The following STK31 variants were observed in gnomAD, a reference collection of about 807,000 sequenced individuals.
STK31 encodes the protein serine/threonine-protein kinase 31.
A neutral mutation model predicts 129.7 loss-of-function variants in STK31; 89 were observed. That is an observed-to-expected ratio of 0.69 (90% CI 0.58 to 0.82). STK31 has a LOEUF of 0.82. Ranked by LOEUF, STK31 falls within the 40% of genes least tolerant of loss-of-function variation. The probability of loss-of-function intolerance (pLI) is 0.00; values close to 1 mark genes in which losing one functional copy is unlikely to be tolerated. For synonymous variants in STK31, 448 were observed against 395.3 expected, an observed-to-expected ratio of 1.13 and a Z score of -1.58; for missense variants, 1,187 against 1,176.4, an observed-to-expected ratio of 1.01 and a Z score of -0.13.
At chr7:23,803,957 A>G (rs994110715) in intron 22 of STK31, among the ~76,000 whole-genome samples, 1 of 152,222 alleles carries the variant, frequency 6.6e-6, no homozygotes, top group Non-Finnish European at 1.5e-5. Context: ...CAGTTTTTAA[A>G]AAGTATAACA....
intron 7 of STK31, among the ~76,000 whole-genome samples, chr7:23,736,129 C>G (rs999358486): frequency 6.6e-6 from 1 of 152,038 alleles, no homozygotes; most frequent in South Asian, 2.1e-4. Context: ...GTTTACATAC[C>G]AACTTTTCAT....
chr7:23,825,131 T>G (rs1310239953), intron 23 of STK31, among the ~76,000 whole-genome samples: 2 of 152,150 alleles, frequency 1.3e-5, no homozygotes, highest in East Asian at 1.9e-4. Flanking sequence ...TTAGGGAGGA[T>G]TCCCTCTTTT....
chr7:23,754,030 GTTTAAAAAATTTTTAATTTTTT>G (rs1788893462), intron 9 of STK31, among the ~76,000 whole-genome samples: 1 of 151,792 alleles, frequency 6.6e-6, no homozygotes, highest in Non-Finnish European at 1.5e-5. Context: ...CTTTTTTATA[GTTTAAAAAATTTTTAATTTTTT>G]CATATTTTTT....
At position 23,769,732 on chromosome 7, in the gene STK31, C is replaced by T. The variant is rs1296001810; in HGVS notation, c.1689C>T (p.Cys563=). The T allele has an allele frequency of 9.9e-6, 16 of 1,609,334 alleles. No individual in the cohort carries two copies. In the African/African-American group the frequency reaches 2.0e-4, roughly 20 times the overall value. The change falls in exon 13 of 24, where the codon TGC becomes TGT. Residue 563 remains cysteine (C), a synonymous_variant. Transcript: ENST00000355870. ...TAGAGAAGACTGAGTCAAGTGTCTG[C>T]AAAGAGCTGGAGATAGCTCTGGTTG... ...EILEKTESSV[C]KELEIALVDQ...
At chr7:23,771,156 A>G in intron 14 of STK31, 32 bp downstream of exon 14, 1 of 1,503,854 alleles carries the variant, frequency 6.6e-7, no homozygotes, top group Non-Finnish European at 8.8e-7. Flanking sequence ...TTGATCTTAT[A>G]AATTGATGAT....
At position 23,786,932 on chromosome 7, in the gene STK31, A is replaced by G. The variant is rs377030309; in HGVS notation, c.2487+8A>G. The G allele has an allele frequency of 4.3e-6, 7 of 1,611,160 alleles. No individual in the cohort carries two copies. Among genetic ancestry groups the G allele is most frequent in the East Asian group, 2.2e-5 (1 of 44,832 alleles). On this transcript the variant is annotated splice_region_variant and intron_variant, in intron 20 of 23. Coordinates refer to ENST00000355870, the MANE Select transcript of STK31 (RefSeq NM_031414.5). ...ATGCCTTTAAATTCAGAAGTAAGTAAAAAGCACTATTTATTTCCATGGATG... is the reference window on the plus strand; with the variant it reads ...ATGCCTTTAAATTCAGAAGTAAGTAGAAAGCACTATTTATTTCCATGGATG...
intron 22 of STK31, chr7:23,791,267 T>A: frequency 1.0e-6 from 1 of 985,240 alleles, no homozygotes; most frequent in Non-Finnish European, 1.2e-6. Flanking sequence ...CTTGGGTATA[T>A]TCCTGCTTCC....
In STK31 at chr7:23,769,166, A is replaced by G. The variant is rs1236346207; in HGVS notation, c.1588A>G (p.Thr530Ala). ...CCGTCTTGTAGCATGGTTCCAAAGA[A>G]CCTTAAAGGTAATAAAAGCTCCTGC... ...LHRLVAWFQR[T>A]LKVFDLSVEG... The change falls in exon 12 of 24, where the codon ACC becomes GCC. Residue 530 changes from threonine to alanine, a missense_variant. Coordinates refer to ENST00000355870, the MANE Select transcript of STK31 (RefSeq NM_031414.5). 1.3e-6 allele frequency: 2 copies of G among 1,563,602 alleles called. No homozygotes were observed. The highest frequency in any genetic ancestry group is 4.0e-5 in the Admixed American group (2 of 50,534).
chr7:23,724,732 G>T (rs377314564), intron 4 of STK31, among the ~76,000 whole-genome samples: 1 of 152,208 alleles, frequency 6.6e-6, no homozygotes, highest in African/African-American at 2.4e-5. Context: ...AGAGAGTACC[G>T]TACTATTACT....
intron 8 of STK31, 34 bp downstream of exon 8, chr7:23,737,112 A>C: frequency 6.5e-7 from 1 of 1,533,106 alleles, no homozygotes; most frequent in Admixed American, 2.1e-5. Context: ...AGAGTGTCCA[A>C]CTGGGAAATC....
At chr7:23,726,827 A>C (rs981140730) in intron 4 of STK31, among the ~76,000 whole-genome samples, 1 of 152,158 alleles carries the variant, frequency 6.6e-6, no homozygotes, top group Non-Finnish European at 1.5e-5. Context: ...GAATTCCACT[A>C]TAGTTGAGAG....
At chr7:23,732,102 A>C (rs1787467254) in intron 6 of STK31, among the ~76,000 whole-genome samples, 1 of 152,054 alleles carries the variant, frequency 6.6e-6, no homozygotes. Context: ...TGAGTCCAGG[A>C]GTTTGAGACC....
intron 10 of STK31, among the ~76,000 whole-genome samples, chr7:23,760,016 ATTG>A (rs1789362061): frequency 6.6e-6 from 1 of 152,130 alleles, no homozygotes; most frequent in Non-Finnish European, 1.5e-5. Context: ...TGAGTCACCT[ATTG>A]TTGGGAGGTA....
intron 10 of STK31, among the ~76,000 whole-genome samples, chr7:23,756,833 A>T (rs1399934718): frequency 6.6e-6 from 1 of 152,204 alleles, no homozygotes; most frequent in Non-Finnish European, 1.5e-5. Flanking sequence ...CGTCCCAGGG[A>T]TGAAGTGGAC....
At chr7:23,746,749 A>G (rs1217921322) in intron 8 of STK31, among the ~76,000 whole-genome samples, 1 of 152,116 alleles carries the variant, frequency 6.6e-6, no homozygotes, top group Non-Finnish European at 1.5e-5. Flanking sequence ...GAGGAAGAGC[A>G]TGGGTTGGTC....
chr7:23,794,013 C>G (rs1791799920), intron 22 of STK31, among the ~76,000 whole-genome samples: 1 of 152,158 alleles, frequency 6.6e-6, no homozygotes, highest in African/African-American at 2.4e-5. Context: ...AAACAGTCTG[C>G]TATGTATGTG....
At chr7:23,792,930 A>G (rs1290030444) in intron 22 of STK31, among the ~76,000 whole-genome samples, 1 of 152,190 alleles carries the variant, frequency 6.6e-6, no homozygotes, top group Non-Finnish European at 1.5e-5. Flanking sequence ...GCTGAGACAG[A>G]AAGATTGTTG....
chr7:23,763,864 C>T (rs1311786305), intron 11 of STK31, among the ~76,000 whole-genome samples: 1 of 152,092 alleles, frequency 6.6e-6, no homozygotes, highest in Non-Finnish European at 1.5e-5. Context: ...AATCTTTTCT[C>T]TTCTAGTCCT....
chr7:23,751,903 C>T (rs1304635260), intron 8 of STK31, among the ~76,000 whole-genome samples: 2 of 146,440 alleles, frequency 1.4e-5, no homozygotes, highest in African/African-American at 2.6e-5. Context: ...TATTTTTATT[C>T]GAAGTTCCTA....
Sources: allele counts gnomAD v4.1 joint callset (sites outside exome capture counted in the v4.1 genomes callset), GRCh38; gene constraint gnomAD v4.1.1; transcripts MANE v1.5; gene names NCBI Gene and HGNC (gene_info 2026-07-23, HGNC 2026-07-21).